The following MRPL1 variants were observed in gnomAD, a reference collection of about 807,000 sequenced individuals.
MRPL1 encodes mitochondrial ribosomal protein L1.
Under a neutral mutation model 38.0 loss-of-function variants are expected in MRPL1, and 28 were observed. That is an observed-to-expected ratio of 0.74 (90% CI 0.55 to 1.01). The LOEUF (loss-of-function observed/expected upper bound fraction) is 1.01. MRPL1 is among the 50% of genes least tolerant of loss of function. MRPL1 has a pLI of 0.00. For synonymous variants in MRPL1, 123 were observed against 126.7 expected, an observed-to-expected ratio of 0.97 and a Z score of 0.20; for missense variants, 358 against 389.8, an observed-to-expected ratio of 0.92 and a Z score of 0.69.
At chr4:77,892,681 A>G (rs1274651104) in intron 5 of MRPL1, among the ~76,000 whole-genome samples, 1 of 151,366 alleles carries the variant, frequency 6.6e-6, no homozygotes, top group Non-Finnish European at 1.5e-5. Flanking sequence ...TGAAATAGAA[A>G]TCTCACATAC....
chr4:77,921,252 A>G (rs181829269), intron 7 of MRPL1, among the ~76,000 whole-genome samples: 22 of 152,322 alleles, frequency 1.4e-4, no homozygotes, highest in East Asian at 5.8e-4. Flanking sequence ...GTTCCTAACT[A>G]TGGGGATATA....
chr4:77,936,639 G>A (rs940282590), intron 7 of MRPL1, among the ~76,000 whole-genome samples: 1 of 152,188 alleles, frequency 6.6e-6, no homozygotes, highest in Non-Finnish European at 1.5e-5. Context: ...AGAAGTGGAA[G>A]AATTGTGACA....
At chr4:77,906,216 A>T (rs576337893) in intron 6 of MRPL1, among the ~76,000 whole-genome samples, 1 of 152,350 alleles carries the variant, frequency 6.6e-6, no homozygotes, top group South Asian at 2.1e-4. Flanking sequence ...ACAAGTCAAG[A>T]TACTGTAGGA....
chr4:77,926,215 A>C (rs1462297259), intron 7 of MRPL1, among the ~76,000 whole-genome samples: 1 of 152,250 alleles, frequency 6.6e-6, no homozygotes, highest in African/African-American at 2.4e-5. Context: ...CCTTGCCAGC[A>C]CATGACTGGA....
intron 7 of MRPL1, among the ~76,000 whole-genome samples, chr4:77,917,213 A>G (rs1736442584): frequency 6.6e-6 from 1 of 151,984 alleles, no homozygotes; most frequent in Admixed American, 6.6e-5. Context: ...TTTTTTGTGT[A>G]TGCAGTCTCC....
rs1300979248 is a variant in MRPL1 at position 77,949,803 on chromosome 4, A to G, written c.784A>G (p.Met262Val). Residue 262 changes from methionine (M) to valine (V), a missense_variant, in exon 8 of 9, where the codon ATG becomes GTG. Physicochemically the swap from Met to Val is conservative, Grantham distance 21. Transcript: ENST00000315567. The stretch of plus-strand genomic sequence containing the variant: ...GTATATTATTTTCTTTCAGTTGGAT[A>G]TGTCAAGTGACCAGATAGCTGCCAA... ...FLQTKIATLDMSSDQIAANLQ... is the reference protein window; with the variant it reads ...FLQTKIATLDVSSDQIAANLQ... The G allele has an allele frequency of 6.3e-7, 1 of 1,599,854 alleles. No homozygotes were observed. Among genetic ancestry groups the G allele is most frequent in the South Asian group, 1.1e-5 (1 of 90,068 alleles).
intron 6 of MRPL1, among the ~76,000 whole-genome samples, chr4:77,901,575 A>C (rs773964500): frequency 6.6e-6 from 1 of 152,106 alleles, no homozygotes; most frequent in Non-Finnish European, 1.5e-5. Context: ...TAAAAACTAT[A>C]AGCATTAGAG....
chr4:77,948,260 G>C (rs1170892757), intron 7 of MRPL1, among the ~76,000 whole-genome samples: 1 of 152,140 alleles, frequency 6.6e-6, no homozygotes, highest in Admixed American at 6.5e-5. Flanking sequence ...GTTGATGATA[G>C]AAAGAAGGAC....
chr4:77,894,193 C>G lies in MRPL1; in HGVS notation c.613C>G (p.Pro205Ala). ...DFYVAVPEIM[P>A]ELNRLRKKLN... ...TTACGTAGCTGTTCCAGAAATAATG[C>G]CTGAACTTAATCGATTAAGGAAGAA... The change falls in exon 6 of 9, where the codon CCT becomes GCT. Residue 205 changes from proline (P) to alanine (A), a missense_variant. Transcript: ENST00000315567. 6.2e-7 allele frequency: 1 copy of G among 1,606,490 alleles called. No individual in the cohort carries two copies.
At chr4:77,867,894 C>T (rs2110227209) in intron 1 of MRPL1, among the ~76,000 whole-genome samples, 1 of 150,952 alleles carries the variant, frequency 6.6e-6, no homozygotes, top group East Asian at 2.0e-4. Context: ...GTAGCTGAGA[C>T]TATAGGCGCC....
At chr4:77,889,222 T>C (rs568840254) in intron 5 of MRPL1, among the ~76,000 whole-genome samples, 1 of 152,264 alleles carries the variant, frequency 6.6e-6, no homozygotes, top group African/African-American at 2.4e-5. Flanking sequence ...ATTGACCACA[T>C]AGTTGGAAGT....
At chr4:77,880,495 CTTT>C (rs200273544) in intron 2 of MRPL1, among the ~76,000 whole-genome samples, 46 of 121,650 alleles carry the variant, frequency 3.8e-4, no homozygotes, top group East Asian at 7.2e-4. Context: ...TCTGCAAGGT[CTTT>C]TTTTTTTTTT....
At chr4:77,940,475 A>G (rs1239737034) in intron 7 of MRPL1, among the ~76,000 whole-genome samples, 1 of 152,114 alleles carries the variant, frequency 6.6e-6, no homozygotes, top group African/African-American at 2.4e-5. Context: ...TAGGTATATG[A>G]TCATATCATC....
intron 7 of MRPL1, among the ~76,000 whole-genome samples, chr4:77,930,437 A>G (rs1399106931): frequency 6.6e-6 from 1 of 152,204 alleles, no homozygotes; most frequent in East Asian, 1.9e-4. Context: ...TTTTCAAAGG[A>G]ATGCAAACCC....
intron 7 of MRPL1, among the ~76,000 whole-genome samples, chr4:77,936,747 A>G (rs1301010246): frequency 6.6e-6 from 1 of 152,212 alleles, no homozygotes; most frequent in Non-Finnish European, 1.5e-5. Flanking sequence ...TATTATAAAT[A>G]TTCTAATGAA....
chr4:77,950,495 A>AG (rs1737383816), intron 8 of MRPL1, among the ~76,000 whole-genome samples: 1 of 152,198 alleles, frequency 6.6e-6, no homozygotes, highest in Non-Finnish European at 1.5e-5. Flanking sequence ...AAGCCAAGCA[A>AG]GGGTCCATTA....
intron 6 of MRPL1, among the ~76,000 whole-genome samples, chr4:77,897,817 C>T (rs531203186): frequency 5.9e-5 from 9 of 152,220 alleles, no homozygotes; most frequent in East Asian, 3.9e-4. Context: ...ATAACCAAAA[C>T]GGAGAATTTT....
intron 5 of MRPL1, 70 bp from the exon 6 acceptor site, chr4:77,894,069 C>A: frequency 1.2e-6 from 1 of 848,566 alleles, no homozygotes; most frequent in Non-Finnish European, 1.9e-6. Context: ...GAAATGACTA[C>A]ATTGTACTTT....
At position 77,887,513 on chromosome 4, in the gene MRPL1, G is replaced by GGT. The variant is rs770209823; in HGVS notation, c.558+239_558+240dup. Among the ~76,000 whole-genome samples, 903 of 151,028 alleles carry GGT rather than the reference G, an allele frequency of 6.0e-3. 6 individuals carry two copies. Among genetic ancestry groups the GGT allele is most frequent in the African/African-American group, 0.019 (782 of 41,244 alleles). ...ATTTTGTGTGTTTGTGTTTATTTGG[G>GGT]GTGTGTGTGTGTGTGTGTTTGTCTG... On this transcript the variant is annotated intron_variant, in intron 5 of 8. Transcript: ENST00000315567.
Sources: allele counts gnomAD v4.1 joint callset (sites outside exome capture counted in the v4.1 genomes callset), GRCh38; gene constraint gnomAD v4.1.1; transcripts MANE v1.5; gene names NCBI Gene and HGNC (gene_info 2026-07-23, HGNC 2026-07-21).